The following CDH2 variants were observed in gnomAD, a reference collection of about 807,000 sequenced individuals.
The protein encoded by CDH2 is cadherin-2.
Under a neutral mutation model 92.0 loss-of-function variants are expected in CDH2, and 17 were observed. The observed-to-expected ratio is 0.18, with a 90% CI of 0.13 to 0.28. CDH2 has a LOEUF of 0.28. CDH2 is among the 10% of genes least tolerant of loss of function. The pLI is 1.00. For missense variants in CDH2, 862 were observed against 1,133.1 expected, an observed-to-expected ratio of 0.76 and a Z score of 3.44; for synonymous variants, 419 against 415.9, an observed-to-expected ratio of 1.01 and a Z score of -0.09.
chr18:28,067,727 C>T (rs1294836774), intron 2 of CDH2, among the ~76,000 whole-genome samples: 1 of 152,080 alleles, frequency 6.6e-6, no homozygotes, highest in Non-Finnish European at 1.5e-5. Flanking sequence ...TTCATCCAAT[C>T]AAGGCATATA....
chr18:28,163,675 A>G (rs1487976941), intron 1 of CDH2, among the ~76,000 whole-genome samples: 2 of 152,264 alleles, frequency 1.3e-5, no homozygotes, highest in Admixed American at 1.3e-4. Context: ...GCTCTACAGC[A>G]GTGAAAATGA....
At chr18:27,953,107 G>A (rs1281408988) in intron 15 of CDH2, among the ~76,000 whole-genome samples, 1 of 152,020 alleles carries the variant, frequency 6.6e-6, no homozygotes, top group Non-Finnish European at 1.5e-5. Flanking sequence ...AAAAAATAGG[G>A]TATCTTCTAA....
chr18:28,168,811 T>A (rs1362419410), intron 1 of CDH2, among the ~76,000 whole-genome samples: 3 of 151,980 alleles, frequency 2.0e-5, no homozygotes, highest in African/African-American at 7.2e-5. Context: ...AGTTAATTAT[T>A]TAAAGAAAAA....
At chr18:28,061,985 C>T (rs1384392975) in intron 2 of CDH2, among the ~76,000 whole-genome samples, 3 of 152,100 alleles carry the variant, frequency 2.0e-5, no homozygotes, top group East Asian at 1.9e-4. Context: ...ACGGCCAAAC[C>T]GTATCACCTA....
At chr18:27,993,763 T>A in intron 7 of CDH2, 126 bp from the exon 8 acceptor site, 1 of 740,862 alleles carries the variant, frequency 1.3e-6, no homozygotes, top group Non-Finnish European at 2.2e-6. Flanking sequence ...TTAACATGAC[T>A]TGAAATTTCG....
chr18:28,159,644 C>T lies in CDH2; in HGVS notation c.61-11860G>A, dbSNP rs45515603. Among the ~76,000 whole-genome samples the T allele has an allele frequency of 5.8e-3, 880 of 150,866 alleles. 2 individuals carry two copies. Among genetic ancestry groups the T allele is most frequent in the Non-Finnish European group, 9.2e-3 (627 of 67,874 alleles). Reference sequence around the variant, plus strand: ...TGGGAAAAGGGTGCTTTACTCAGGACCTGCAATTTTTTTGTTTTTTTTTTT... The same window carrying T: ...TGGGAAAAGGGTGCTTTACTCAGGATCTGCAATTTTTTTGTTTTTTTTTTT... On this transcript the variant is annotated intron_variant, in intron 1 of 15. Transcript: ENST00000269141.
chr18:27,994,327 T>G (rs2012515782), intron 7 of CDH2, among the ~76,000 whole-genome samples: 1 of 152,216 alleles, frequency 6.6e-6, no homozygotes, highest in Non-Finnish European at 1.5e-5. Context: ...GTCCACTGCT[T>G]TAAGCACAGA....
intron 2 of CDH2, among the ~76,000 whole-genome samples, chr18:28,125,665 T>C (rs1420843638): frequency 2.6e-5 from 4 of 152,182 alleles, no homozygotes; most frequent in Non-Finnish European, 5.9e-5. Flanking sequence ...GAGCATTTAC[T>C]GAGCATTTAC....
intron 11 of CDH2, among the ~76,000 whole-genome samples, chr18:27,985,995 C>A (rs372013544): frequency 6.6e-6 from 1 of 152,100 alleles, no homozygotes; most frequent in East Asian, 1.9e-4. Context: ...AGCAAGGTGA[C>A]GAAGAATGCC....
At chr18:27,997,967 T>G (rs977230153) in intron 7 of CDH2, among the ~76,000 whole-genome samples, 1 of 152,042 alleles carries the variant, frequency 6.6e-6, no homozygotes, top group Non-Finnish European at 1.5e-5. Flanking sequence ...CAACCACGCC[T>G]GGCTAATTTT....
intron 15 of CDH2, among the ~76,000 whole-genome samples, chr18:27,957,059 C>T (rs1057391413): frequency 3.9e-5 from 6 of 151,986 alleles, no homozygotes; most frequent in Non-Finnish European, 7.4e-5. Context: ...TGTTCTTGTG[C>T]ACTTCTATGT....
chr18:28,146,100 G>A (rs147975478), intron 2 of CDH2: 9 of 152,132 alleles, frequency 5.9e-5, no homozygotes, highest in East Asian at 5.8e-4. Flanking sequence ...ACTATTCAAC[G>A]CGCCAAAGTA....
chr18:28,016,959 C>A (rs1002680554), intron 2 of CDH2, among the ~76,000 whole-genome samples: 2 of 152,124 alleles, frequency 1.3e-5, no homozygotes, highest in African/African-American at 4.8e-5. Context: ...TCCTGCATTC[C>A]TGATATGAAA....
chr18:27,961,877 A>C (rs1401608477), intron 15 of CDH2, among the ~76,000 whole-genome samples: 1 of 152,066 alleles, frequency 6.6e-6, no homozygotes, highest in African/African-American at 2.4e-5. Context: ...AGGCAGGAGG[A>C]TCATTTGAGC....
chr18:27,995,956 C>T (rs2012567503), intron 7 of CDH2, among the ~76,000 whole-genome samples: 1 of 152,162 alleles, frequency 6.6e-6, no homozygotes, highest in Non-Finnish European at 1.5e-5. Flanking sequence ...CTAATTTGGT[C>T]ATTGGGCATC....
chr18:28,114,845 T>A (rs1371296151), intron 2 of CDH2, among the ~76,000 whole-genome samples: 2 of 151,708 alleles, frequency 1.3e-5, no homozygotes, highest in Non-Finnish European at 2.9e-5. Context: ...TAAAAAAAAA[T>A]GAATGTATTC....
intron 2 of CDH2, among the ~76,000 whole-genome samples, chr18:28,018,923 TTATTTATA>T (rs2013331541): frequency 6.7e-6 from 1 of 150,208 alleles, no homozygotes; most frequent in East Asian, 1.9e-4. Flanking sequence ...ATATATATAT[TTATTTATA>T]TATTTATATG....
intron 4 of CDH2, 49 bp from the exon 5 acceptor site, chr18:28,009,921 A>C: frequency 4.8e-6 from 7 of 1,445,092 alleles, no homozygotes; most frequent in Non-Finnish European, 6.6e-6. Flanking sequence ...AAATGAGCTC[A>C]TTATCAGAGA....
At chr18:28,089,792 C>T (rs1379976444) in intron 2 of CDH2, among the ~76,000 whole-genome samples, 1 of 152,094 alleles carries the variant, frequency 6.6e-6, no homozygotes, top group African/African-American at 2.4e-5. Flanking sequence ...ATGCATTTAG[C>T]AATAAATATT....
Sources: gnomAD v4.1 joint callset for allele counts (sites outside exome capture counted in the v4.1 genomes callset) on GRCh38, gnomAD v4.1.1 for gene constraint, MANE v1.5 for transcripts, NCBI Gene and HGNC (gene_info 2026-07-23, HGNC 2026-07-21) for gene names.